The following SASH1 variants were observed in gnomAD, a reference collection of about 807,000 sequenced individuals.
The protein encoded by SASH1 is SAM and SH3 domain containing 1.
Under a neutral mutation model 125.2 loss-of-function variants are expected in SASH1, and 44 were observed. That is an observed-to-expected ratio of 0.35 (90% CI 0.28 to 0.45). The LOEUF (loss-of-function observed/expected upper bound fraction) is 0.45. Ranked by LOEUF, SASH1 falls within the 20% of genes least tolerant of loss-of-function variation. The pLI, the probability that SASH1 is intolerant of heterozygous loss-of-function variation, is 1.00. For missense variants in SASH1, 1,426 were observed against 1,614.5 expected (o/e 0.88, Z 2.00); for synonymous variants, 639 against 649.1 (o/e 0.98, Z 0.24).
At chr6:148,526,523 C>CTAT (rs1407895764) in intron 11 of SASH1, among the ~76,000 whole-genome samples, 3 of 152,134 alleles carry the variant, frequency 2.0e-5, no homozygotes, top group African/African-American at 4.8e-5. Context: ...GAGAATTAAA[C>CTAT]TATTTTATTT....
At chr6:148,387,656 CTTTCTT>C (rs1783510813) in intron 1 of SASH1, among the ~76,000 whole-genome samples, 1 of 52,648 alleles carries the variant, frequency 1.9e-5, no homozygotes, top group Non-Finnish European at 3.5e-5. Flanking sequence ...TTCTTTCTTT[CTTTCTT>C]TCTTTCTTTC....
At chr6:148,361,554 C>A (rs187979259) in intron 1 of SASH1, among the ~76,000 whole-genome samples, 2 of 151,672 alleles carry the variant, frequency 1.3e-5, no homozygotes, top group African/African-American at 4.8e-5. Flanking sequence ...GTGAGCTGAT[C>A]GCACCATTGC....
intron 1 of SASH1, 82 bp downstream of exon 1, chr6:148,343,305 C>T (rs367929961): frequency 3.6e-6 from 5 of 1,379,250 alleles, no homozygotes. Flanking sequence ...TTCTCGCCCA[C>T]CCACTGGGCA....
At chr6:148,517,148 T>C (rs922403277) in intron 9 of SASH1, among the ~76,000 whole-genome samples, 1 of 152,188 alleles carries the variant, frequency 6.6e-6, no homozygotes, top group Non-Finnish European at 1.5e-5. Context: ...ATGAGGATAA[T>C]GTTTACTGTT....
intron 2 of SASH1, among the ~76,000 whole-genome samples, chr6:148,418,738 G>A (rs1784925158): frequency 6.6e-6 from 1 of 152,216 alleles, no homozygotes; most frequent in South Asian, 2.1e-4. Flanking sequence ...AGTACAGATA[G>A]CGTGGTGCAG....
intron 8 of SASH1, among the ~76,000 whole-genome samples, chr6:148,504,709 G>C (rs1284807611): frequency 6.6e-6 from 1 of 152,026 alleles, no homozygotes; most frequent in Non-Finnish European, 1.5e-5. Context: ...CAGTATTTAT[G>C]GGTGGGCACT....
intron 1 of SASH1, among the ~76,000 whole-genome samples, chr6:148,370,792 C>G (rs1782676814): frequency 6.6e-6 from 1 of 152,152 alleles, no homozygotes; most frequent in Non-Finnish European, 1.5e-5. Flanking sequence ...CACTGTACTT[C>G]AGCCTGGGCA....
intron 8 of SASH1, among the ~76,000 whole-genome samples, chr6:148,499,839 A>C (rs1779490305): frequency 6.6e-6 from 1 of 152,116 alleles, no homozygotes; most frequent in South Asian, 2.1e-4. Flanking sequence ...TCTATTCTTT[A>C]CTTATTTTTA....
At chr6:148,370,937 A>AATAC (rs1240322464) in intron 1 of SASH1, among the ~76,000 whole-genome samples, 1 of 152,244 alleles carries the variant, frequency 6.6e-6, no homozygotes, top group East Asian at 1.9e-4. Flanking sequence ...AATGAGGACT[A>AATAC]ATACATGTTT....
intron 1 of SASH1, among the ~76,000 whole-genome samples, chr6:148,328,727 C>T (rs1780909113): frequency 1.3e-5 from 2 of 152,118 alleles, no homozygotes; most frequent in Non-Finnish European, 1.5e-5. Context: ...ATTAGTTGGT[C>T]TAAATTAAAG....
chr6:148,277,520 C>G (rs1779219478), intron 1 of SASH1, among the ~76,000 whole-genome samples: 1 of 152,212 alleles, frequency 6.6e-6, no homozygotes, highest in Non-Finnish European at 1.5e-5. Context: ...CCATATAACA[C>G]TGCAGCGTCA....
At chr6:148,496,883 A>G (rs1779335083) in intron 8 of SASH1, among the ~76,000 whole-genome samples, 3 of 150,514 alleles carry the variant, frequency 2.0e-5, no homozygotes, top group Admixed American at 6.6e-5. Context: ...AAAAAAAAGA[A>G]AAAAAAAAAG....
At chr6:148,326,248 G>C (rs1249784144) in intron 1 of SASH1, among the ~76,000 whole-genome samples, 4 of 137,890 alleles carry the variant, frequency 2.9e-5, no homozygotes, top group Non-Finnish European at 6.1e-5. Context: ...GGCTGGTCTC[G>C]AACTCCTGAC....
At chr6:148,434,191 C>A (rs1776194461) in intron 2 of SASH1, among the ~76,000 whole-genome samples, 2 of 150,962 alleles carry the variant, frequency 1.3e-5, no homozygotes, top group Non-Finnish European at 2.9e-5. Context: ...ATTCTCCTGC[C>A]TCAGCCTCCC....
At chr6:148,221,700 A>G in the SASH1 span, among the ~76,000 whole-genome samples, 1 of 152,200 alleles carries the variant, frequency 6.6e-6, no homozygotes, top group Non-Finnish European at 1.5e-5. Flanking sequence ...CCCAGAGCAT[A>G]ATTTTCCCTT....
In SASH1 at chr6:148,492,323, A is replaced by G. The variant is rs143431943; in HGVS notation, c.729+4608A>G. ...AGGGCTGGTCAGAACCATTAGCTAG[A>G]TATAAATTGTGAGAATGAAATGGGT... On this transcript the variant is annotated intron_variant, in intron 8 of 19. Transcript: ENST00000367467. Among the ~76,000 whole-genome samples the G allele has an allele frequency of 1.3e-5, 2 of 152,346 alleles. 1 individual carries two copies. The highest frequency in any genetic ancestry group is 2.9e-5 in the Non-Finnish European group (2 of 68,020).
intron 5 of SASH1, among the ~76,000 whole-genome samples, chr6:148,469,933 G>A (rs1337685798): frequency 6.6e-6 from 1 of 151,558 alleles, no homozygotes; most frequent in African/African-American, 2.4e-5. Context: ...GGCTGAGGCA[G>A]GAGAATCACC....
At chr6:148,356,004 A>G (rs936614405) in intron 1 of SASH1, among the ~76,000 whole-genome samples, 1 of 151,354 alleles carries the variant, frequency 6.6e-6, no homozygotes, top group Non-Finnish European at 1.5e-5. Flanking sequence ...CTCAGTGTGC[A>G]GTCTTTTATA....
intron 4 of SASH1, among the ~76,000 whole-genome samples, chr6:148,443,368 G>A (rs1198974818): frequency 2.3e-5 from 2 of 85,864 alleles, no homozygotes; most frequent in Admixed American, 2.4e-4. Flanking sequence ...TATTAATTTT[G>A]GTCATTCACT....
Sources: allele counts gnomAD v4.1 joint callset (sites outside exome capture counted in the v4.1 genomes callset), GRCh38; gene constraint gnomAD v4.1.1; transcripts MANE v1.5; gene names NCBI Gene and HGNC (gene_info 2026-07-23, HGNC 2026-07-21).